The following PPP1R21 variants were observed in gnomAD, a reference collection of about 807,000 sequenced individuals.
PPP1R21 encodes KLRAQ motif containing 1.
A neutral mutation model predicts 112.8 loss-of-function variants in PPP1R21; 85 were observed. The ratio of observed to expected loss-of-function variants is 0.75; its 90% confidence interval spans 0.63 to 0.90. The LOEUF (loss-of-function observed/expected upper bound fraction) is 0.90. PPP1R21 is among the 40% of genes least tolerant of loss of function. PPP1R21 has a pLI of 0.00. For synonymous variants in PPP1R21, 381 were observed against 322.3 expected, an observed-to-expected ratio of 1.18 and a Z score of -1.95; for missense variants, 1,199 against 901.5, an observed-to-expected ratio of 1.33 and a Z score of -4.23.
intron 7 of PPP1R21, 47 bp downstream of exon 7, chr2:48,461,279 CT>C (rs1667966081): frequency 6.8e-7 from 1 of 1,472,230 alleles, no homozygotes; most frequent in Non-Finnish European, 9.0e-7. Context: ...TTGAATCTCT[CT>C]GTGGTAGCCA....
At chr2:48,446,271 C>G (rs1259097532) in intron 1 of PPP1R21, among the ~76,000 whole-genome samples, 3 of 152,162 alleles carry the variant, frequency 2.0e-5, no homozygotes, top group African/African-American at 7.2e-5. Flanking sequence ...GCCATTTAGC[C>G]TATCACATAT....
Position 48,451,083 on chromosome 2 carries a change from A to G in PPP1R21, c.126+7A>G. 1 of 1,611,122 alleles carries G rather than the reference A, an allele frequency of 6.2e-7. No homozygotes were observed. Among genetic ancestry groups the G allele is most frequent in the Non-Finnish European group, 8.5e-7 (1 of 1,177,280 alleles). On this transcript the variant is annotated splice_region_variant and intron_variant, in intron 2 of 21. Transcript: ENST00000294952. ...AAATTCTGCAGCTTTAAAGGTGGGC[A>G]ACAGGATATTTGTGTTGTGAGGGTT...
intron 18 of PPP1R21, among the ~76,000 whole-genome samples, chr2:48,506,963 AAG>A (rs1486413471): frequency 6.6e-6 from 1 of 150,694 alleles, no homozygotes; most frequent in African/African-American, 2.5e-5. Context: ...AAAAAAAAAA[AAG>A]TCAGTTTTGT....
rs753007870 is a variant in PPP1R21 at position 48,458,163 on chromosome 2, A to G, written c.311A>G (p.Gln104Arg). 1.9e-6 allele frequency: 3 copies of G among 1,612,520 alleles called. No homozygotes were observed. Among genetic ancestry groups the G allele is most frequent in the South Asian group, 1.1e-5 (1 of 91,012 alleles). Reference sequence around the variant, plus strand: ...TCTTCTTCTCAGTTGAGTCAAGAGCAGAAGAGTGTCTTTGATGAAGATCTG... The same window carrying G: ...TCTTCTTCTCAGTTGAGTCAAGAGCGGAAGAGTGTCTTTGATGAAGATCTG... Reference protein sequence around the residue: ...GESSSQLSQEQKSVFDEDLQK... With the variant: ...GESSSQLSQERKSVFDEDLQK... Residue 104 changes from glutamine (Q) to arginine (R), a missense_variant, in exon 4 of 22, where the codon CAG becomes CGG. Transcript: ENST00000294952.
Position 48,503,840 on chromosome 2 carries a change from C to G in PPP1R21, c.1936-1724C>G, listed in dbSNP as rs1031383519. The stretch of plus-strand genomic sequence containing the variant: ...TGGTGGTGGGCACCTGTAATCCCAT[C>G]TACTCGGGAGGCTGAGGCAAGAGAA... On this transcript the variant is annotated intron_variant, in intron 17 of 21. Transcript: ENST00000294952. Among the ~76,000 whole-genome samples the G allele has an allele frequency of 4.6e-5, 7 of 151,266 alleles. No homozygotes were observed. In the East Asian group the frequency reaches 9.8e-4, roughly 21 times the overall value.
intron 2 of PPP1R21, among the ~76,000 whole-genome samples, chr2:48,452,173 T>C (rs537138200): frequency 6.6e-6 from 1 of 152,344 alleles, no homozygotes; most frequent in South Asian, 2.1e-4. Flanking sequence ...GGAAAGTCTT[T>C]CCTTGTTTGT....
intron 13 of PPP1R21, among the ~76,000 whole-genome samples, chr2:48,480,425 A>G (rs138705494): frequency 3.9e-4 from 59 of 152,304 alleles, no homozygotes; most frequent in African/African-American, 1.3e-3. Flanking sequence ...ACTTTCCACC[A>G]TCCTGTGCAT....
intron 14 of PPP1R21, 70 bp from the exon 15 acceptor site, chr2:48,490,948 A>C: frequency 7.4e-7 from 1 of 1,359,842 alleles, no homozygotes; most frequent in Admixed American, 1.8e-5. Flanking sequence ...TTGCTGCAAA[A>C]ACTATTAGAT....
At chr2:48,499,583 A>T (rs1670007741) in intron 17 of PPP1R21, among the ~76,000 whole-genome samples, 1 of 152,172 alleles carries the variant, frequency 6.6e-6, no homozygotes, top group Non-Finnish European at 1.5e-5. Flanking sequence ...AACAAAAACA[A>T]GTAATAATAA....
chr2:48,447,091 G>T (rs914081800), intron 1 of PPP1R21, among the ~76,000 whole-genome samples: 1 of 152,136 alleles, frequency 6.6e-6, no homozygotes, highest in Non-Finnish European at 1.5e-5. Context: ...AAAATTTACT[G>T]TTTTTAGAAG....
At chr2:48,448,093 C>G (rs1218565507) in intron 1 of PPP1R21, among the ~76,000 whole-genome samples, 1 of 152,070 alleles carries the variant, frequency 6.6e-6, no homozygotes, top group Non-Finnish European at 1.5e-5. Flanking sequence ...TCAAATGTTG[C>G]AAAGAGTAGT....
chr2:48,514,308 G>C (rs1228052327), intron 21 of PPP1R21, among the ~76,000 whole-genome samples: 1 of 151,908 alleles, frequency 6.6e-6, no homozygotes, highest in Non-Finnish European at 1.5e-5. Context: ...GGATGGTCTC[G>C]ATCTCCTGAC....
At chr2:48,508,768 G>A (rs960085490) in intron 19 of PPP1R21, among the ~76,000 whole-genome samples, 7 of 152,194 alleles carry the variant, frequency 4.6e-5, no homozygotes, top group African/African-American at 1.7e-4. Context: ...GGTTGACTTG[G>A]TTGGCTGAAC....
intron 14 of PPP1R21, among the ~76,000 whole-genome samples, chr2:48,487,926 T>C (rs1376736602): frequency 6.6e-6 from 1 of 152,168 alleles, no homozygotes; most frequent in Non-Finnish European, 1.5e-5. Flanking sequence ...TATTCAGAAC[T>C]ATCTTAGCCC....
intron 12 of PPP1R21, among the ~76,000 whole-genome samples, chr2:48,476,798 GTTTA>G (rs1008744819): frequency 3.3e-5 from 5 of 152,048 alleles, no homozygotes; most frequent in Non-Finnish European, 5.9e-5. Flanking sequence ...TAGGTTGTCT[GTTTA>G]TTATTGAGTT....
Position 48,459,888 on chromosome 2 carries a change from G to T in PPP1R21, c.510G>T (p.Glu170Asp), listed in dbSNP as rs777321546. 1 of 1,614,052 alleles carries T rather than the reference G, an allele frequency of 6.2e-7. No individual in the cohort carries two copies. Among genetic ancestry groups the T allele is most frequent in the Non-Finnish European group, 8.5e-7 (1 of 1,180,040 alleles). ...CCCGGAAGTACATGGAAACCATTGA[G>T]AAGCTGCAGAACGACAAGGCTAAAC... is the stretch of plus-strand genomic sequence containing the variant. Reference protein sequence around the residue: ...GLTRKYMETIEKLQNDKAKLE... With the variant: ...GLTRKYMETIDKLQNDKAKLE... The change falls in exon 5 of 22, where the codon GAG (glutamate) becomes GAT (aspartate). Residue 170 changes from glutamate to aspartate, a missense_variant. By Grantham distance (45) the Glu-to-Asp change is conservative. Coordinates refer to ENST00000294952, the MANE Select transcript of PPP1R21 (RefSeq NM_001135629.3).
At position 48,491,023 on chromosome 2, in the gene PPP1R21, A is replaced by T. The variant is rs749700249; in HGVS notation, c.1452A>T (p.Ala484=). 1 of 1,613,708 alleles carries T rather than the reference A, an allele frequency of 6.2e-7. No individual in the cohort carries two copies. Among genetic ancestry groups the T allele is most frequent in the Non-Finnish European group, 8.5e-7 (1 of 1,179,742 alleles). The change falls in exon 15 of 22, where the codon GCA becomes GCT. Residue 484 remains alanine, a synonymous_variant. Coordinates refer to ENST00000294952, the MANE Select transcript of PPP1R21 (RefSeq NM_001135629.3). Reference sequence around the variant, plus strand: ...CCTTGTCATACTTTGTTTAGATTGCATCCTTCTTCAGCAACAATTTGGACT... The same window carrying T: ...CCTTGTCATACTTTGTTTAGATTGCTTCCTTCTTCAGCAACAATTTGGACT... ...VALTNGAGKI[A]SFFSNNLDYF... is the part of the protein sequence containing the mutation.
intron 13 of PPP1R21, among the ~76,000 whole-genome samples, chr2:48,486,254 T>C (rs1486595361): frequency 2.0e-5 from 3 of 152,138 alleles, no homozygotes; most frequent in African/African-American, 7.2e-5. Context: ...GTGGGTTGTT[T>C]ATATAAATAC....
intron 21 of PPP1R21, among the ~76,000 whole-genome samples, chr2:48,513,177 C>A (rs1670715917): frequency 6.6e-6 from 1 of 151,726 alleles, no homozygotes; most frequent in South Asian, 2.1e-4. Context: ...GCAGCTACTT[C>A]AGAAGTTAGG....
Sources: gnomAD v4.1 joint callset for allele counts (sites outside exome capture counted in the v4.1 genomes callset) on GRCh38, gnomAD v4.1.1 for gene constraint, MANE v1.5 for transcripts, NCBI Gene and HGNC (gene_info 2026-07-23, HGNC 2026-07-21) for gene names.